Variants in ANK2 observed in about 807,000 individuals in gnomAD.
ANK2 encodes ankyrin-2.
ANK2 carries 83 observed loss-of-function variants against 360.5 expected under a neutral mutation model. The observed-to-expected ratio is 0.23, with a 90% CI of 0.19 to 0.28. The LOEUF is 0.28. Among genes scored for constraint, ANK2 ranks in the 10% least tolerant of loss-of-function variants. ANK2 has a pLI of 1.00. For missense variants in ANK2, 4,201 were observed against 4,795.7 expected, an observed-to-expected ratio of 0.88 and a Z score of 3.66; for synonymous variants, 1,740 against 1,759.5, an observed-to-expected ratio of 0.99 and a Z score of 0.28.
intron 2 of ANK2, among the ~76,000 whole-genome samples, chr4:112,919,371 T>C (rs1364926850): frequency 1.3e-5 from 2 of 152,160 alleles, no homozygotes; most frequent in African/African-American, 4.8e-5. Flanking sequence ...AAAACAAGCA[T>C]TATTTTAAAT....
At chr4:113,153,588 T>A (rs2097170753) in intron 1 of ANK2, among the ~76,000 whole-genome samples, 1 of 152,236 alleles carries the variant, frequency 6.6e-6, no homozygotes, top group African/African-American at 2.4e-5. Context: ...AAATGGCTTA[T>A]GATATTCAGC....
rs116409643 is a variant in ANK2, at chr4:113,317,031, A to C, written c.2694-676A>C. On this transcript the variant is annotated intron_variant, in intron 24 of 45. Coordinates refer to ENST00000357077, the MANE Select transcript of ANK2 (RefSeq NM_001148.6). ...CCAACACTCTGGTGCTTCAGTCACC[A>C]CACACAGGACATGCAAAGGGGACAG... Among the ~76,000 whole-genome samples, 1,235 of 152,326 alleles carry C rather than the reference A, an allele frequency of 8.1e-3. 20 individuals carry two copies. The highest frequency in any genetic ancestry group is 0.028 in the African/African-American group (1,168 of 41,568).
intron 1 of ANK2, among the ~76,000 whole-genome samples, chr4:113,110,261 TACTC>T (rs905689666): frequency 5.3e-5 from 8 of 152,226 alleles, no homozygotes; most frequent in Non-Finnish European, 1.0e-4. Flanking sequence ...TTGTGAGTCT[TACTC>T]ACTATCATGA....
intron 1 of ANK2, among the ~76,000 whole-genome samples, chr4:113,055,367 T>G (rs781437424): frequency 1.3e-5 from 2 of 152,162 alleles, no homozygotes; most frequent in African/African-American, 2.4e-5. Context: ...CACTCCAGCC[T>G]GCATGACACA....
intron 1 of ANK2, among the ~76,000 whole-genome samples, chr4:113,057,758 T>C (rs569311493): frequency 3.3e-5 from 5 of 152,268 alleles, no homozygotes; most frequent in African/African-American, 1.2e-4. Context: ...TGAAAGTATC[T>C]AAATATTCAG....
At chr4:113,158,723 A>G (rs1356980091) in intron 1 of ANK2, among the ~76,000 whole-genome samples, 1 of 152,176 alleles carries the variant, frequency 6.6e-6, no homozygotes, top group African/African-American at 2.4e-5. Context: ...CCCTTTAATT[A>G]CTGAGACAAG....
chr4:113,128,994 T>A (rs757331293), intron 1 of ANK2, among the ~76,000 whole-genome samples: 2 of 152,170 alleles, frequency 1.3e-5, no homozygotes, highest in Non-Finnish European at 2.9e-5. Context: ...GGAAAATGGC[T>A]GATTTGAGTA....
chr4:112,897,035 G>T (rs1306526440), intron 1 of ANK2, among the ~76,000 whole-genome samples: 1 of 152,102 alleles, frequency 6.6e-6, no homozygotes, highest in Non-Finnish European at 1.5e-5. Flanking sequence ...TCTCCCCTCT[G>T]CTTCTTTTCC....
chr4:113,040,336 G>A (rs2062654535), intron 2 of ANK2, among the ~76,000 whole-genome samples: 1 of 152,102 alleles, frequency 6.6e-6, no homozygotes, highest in Non-Finnish European at 1.5e-5. Context: ...TGTCTCAGGT[G>A]AAGTGAGGTG....
chr4:113,266,050 T>C (rs2055818011), intron 14 of ANK2, among the ~76,000 whole-genome samples: 2 of 152,230 alleles, frequency 1.3e-5, no homozygotes, highest in African/African-American at 4.8e-5. Flanking sequence ...GGTGGTTTGC[T>C]GTACCCATCA....
chr4:113,008,011 C>G (rs537130298), intron 2 of ANK2, among the ~76,000 whole-genome samples: 2 of 152,210 alleles, frequency 1.3e-5, no homozygotes, highest in East Asian at 3.9e-4. Context: ...ACACTTTTCT[C>G]CTTGGAGCCA....
chr4:113,302,639 G>C, intron 22 of ANK2, 128 bp from the exon 23 acceptor site: 1 of 744,370 alleles, frequency 1.3e-6, no homozygotes, highest in Non-Finnish European at 2.4e-6. Flanking sequence ...ATATACACGC[G>C]GGAAAGATCC....
At chr4:112,729,661 T>C in the ANK2 span, among the ~76,000 whole-genome samples, 1 of 148,252 alleles carries the variant, frequency 6.7e-6, no homozygotes, top group East Asian at 2.0e-4. Context: ...GGCAGGAGAG[T>C]CACTTGAACC....
Position 112,922,711 on chromosome 4 carries a change from C to T in ANK2, c.21+18197C>T, listed in dbSNP as rs189519475. 3.7e-3 allele frequency among the ~76,000 whole-genome samples: 569 copies of T among 152,254 alleles called. 4 individuals are homozygous for T. The highest frequency in any genetic ancestry group is 0.013 in the African/African-American group (538 of 41,542). ...AATATGAAAAGGAAGGTCCTAGAAGCTTGATGTAATAATCAGTGTAGACAA... is the reference window on the plus strand; with the variant it reads ...AATATGAAAAGGAAGGTCCTAGAAGTTTGATGTAATAATCAGTGTAGACAA... On this transcript the variant is annotated intron_variant, in intron 2 of 30. Coordinates refer to the ANK2 transcript ENST00000503271.
chr4:113,140,410 C>T (rs767535291), intron 1 of ANK2, among the ~76,000 whole-genome samples: 1 of 152,168 alleles, frequency 6.6e-6, no homozygotes, highest in African/African-American at 2.4e-5. Flanking sequence ...GCAAAGGTAA[C>T]ATAGATCTTA....
At chr4:113,088,765 A>G (rs2086196228) in intron 1 of ANK2, among the ~76,000 whole-genome samples, 1 of 152,176 alleles carries the variant, frequency 6.6e-6, no homozygotes, top group Admixed American at 6.5e-5. Context: ...AGACATAATT[A>G]GAACCACATT....
chr4:113,115,541 T>C lies in ANK2; in HGVS notation c.85-58875T>C, dbSNP rs1311086913. Among the ~76,000 whole-genome samples, 4 of 152,202 alleles carry C rather than the reference T, an allele frequency of 2.6e-5. No homozygotes were observed. In the South Asian group the frequency reaches 8.3e-4, roughly 32 times the overall value. On this transcript the variant is annotated intron_variant, in intron 1 of 45. Coordinates refer to ENST00000357077, the MANE Select transcript of ANK2 (RefSeq NM_001148.6). ...AGATTAAGTGCTAGGTTCTCTGTAC[T>C]ACTGTGGAATGCATTTTGCTTGCTT...
the ANK2 span, among the ~76,000 whole-genome samples, chr4:112,804,913 G>C: frequency 6.6e-6 from 1 of 151,918 alleles, no homozygotes; most frequent in Non-Finnish European, 1.5e-5. Context: ...CGTGAGCCAT[G>C]ATTGTGCCAC....
At chr4:112,725,894 A>C in the ANK2 span, among the ~76,000 whole-genome samples, 3 of 152,286 alleles carry the variant, frequency 2.0e-5, no homozygotes, top group East Asian at 5.8e-4. Context: ...TTTATGTTAC[A>C]TGATTTTATC....
Sources: allele counts gnomAD v4.1 joint callset (sites outside exome capture counted in the v4.1 genomes callset), GRCh38; gene constraint gnomAD v4.1.1; transcripts MANE v1.5; gene names NCBI Gene and HGNC (gene_info 2026-07-23, HGNC 2026-07-21).